EIF4G3: variants seen among roughly 807,000 people sequenced by gnomAD.
EIF4G3 encodes eukaryotic translation initiation factor 4 gamma 3, also known as eIF-4-gamma 3.
A neutral mutation model predicts 186.4 loss-of-function variants in EIF4G3; 34 were observed. That is an observed-to-expected ratio of 0.18 (90% confidence interval 0.14 to 0.24). EIF4G3 has a LOEUF of 0.24. EIF4G3 is among the 10% of genes least tolerant of loss of function. The pLI, the probability that EIF4G3 is intolerant of heterozygous loss-of-function variation, is 1.00. For missense variants in EIF4G3, 1,536 were observed against 1,948.5 expected, an observed-to-expected ratio of 0.79 and a Z score of 3.99; for synonymous variants, 673 against 679.5, an observed-to-expected ratio of 0.99 and a Z score of 0.15.
chr1:21,161,415 A>C (rs369543841), intron 2 of EIF4G3: 6 of 152,822 alleles, frequency 3.9e-5, no homozygotes, highest in African/African-American at 1.2e-4. Context: ...AGGCTTGAGA[A>C]TCGCTTGAAC....
chr1:21,141,985 T>C (rs932168294), intron 2 of EIF4G3, among the ~76,000 whole-genome samples: 1 of 151,476 alleles, frequency 6.6e-6, no homozygotes, highest in Non-Finnish European at 1.5e-5. Context: ...TTCAAGATAA[T>C]ATTTCCCTAA....
intron 3 of EIF4G3, among the ~76,000 whole-genome samples, chr1:21,073,444 A>G (rs529996359): frequency 1.3e-5 from 2 of 152,186 alleles, no homozygotes; most frequent in Non-Finnish European, 1.5e-5. Flanking sequence ...TGAGCCACCA[A>G]TCATCAGGAG....
chr1:20,895,295 T>A, intron 17 of EIF4G3, 73 bp downstream of exon 17: 1 of 1,502,886 alleles, frequency 6.7e-7, no homozygotes, highest in East Asian at 2.3e-5. Context: ...TGCTCATACT[T>A]CACATATTTG....
chr1:20,983,605 C>T (rs75569054), intron 7 of EIF4G3, among the ~76,000 whole-genome samples: 4,435 of 152,220 alleles, frequency 0.029, 144 homozygotes, highest in East Asian at 0.14. Flanking sequence ...ATGATACAAG[C>T]CTCAAGTAGA....
intron 20 of EIF4G3, among the ~76,000 whole-genome samples, chr1:20,867,398 T>C (rs1484861086): frequency 6.6e-6 from 1 of 152,172 alleles, no homozygotes; most frequent in African/African-American, 2.4e-5. Flanking sequence ...AAAATGACTG[T>C]AGATTAAGGA....
chr1:20,858,952 C>T lies in EIF4G3; in HGVS notation c.3244+1433G>A, dbSNP rs1480708304. 5.9e-5 allele frequency among the ~76,000 whole-genome samples: 9 copies of T among 152,260 alleles called. No homozygotes were observed. In the South Asian group the frequency reaches 6.2e-4, roughly 11 times the overall value. On this transcript the variant is annotated intron_variant, in intron 24 of 36. Transcript: ENST00000602326. ...CGGAGGTTGCAGTGAGCCGAGATCGCGCTACTGCACTCCAGCCTGGGCGAC... is the reference window on the plus strand; with the variant it reads ...CGGAGGTTGCAGTGAGCCGAGATCGTGCTACTGCACTCCAGCCTGGGCGAC...
rs145518313 is a variant in EIF4G3 at position 20,870,168 on chromosome 1, T to C, written c.2623-4906A>G. Among the ~76,000 whole-genome samples, 117 of 152,240 alleles carry C rather than the reference T, an allele frequency of 7.7e-4. 1 individual carries two copies. In the East Asian group the frequency reaches 0.012, roughly 15 times the overall value. ...TCACTCGCTGTTGCCCAAGGCTGAC[T>C]TGTCATGTCTGCAATTCCGGGCTTT... On this transcript the variant is annotated intron_variant, in intron 20 of 36. Transcript: ENST00000602326.
At chr1:20,909,238 G>T (rs916065457) in intron 14 of EIF4G3, among the ~76,000 whole-genome samples, 1 of 152,122 alleles carries the variant, frequency 6.6e-6, no homozygotes, top group Non-Finnish European at 1.5e-5. Context: ...GTAGTTAAGA[G>T]ACAGGGATAT....
Position 21,044,750 on chromosome 1 carries a change from C to A in EIF4G3, c.-67+6116G>T, listed in dbSNP as rs1407109640. The stretch of plus-strand genomic sequence containing the variant: ...GCAGCCTTAACATCCCAGTCTCAAG[C>A]GATCCTCTCACCTCAGCCTCCCAAG... On this transcript the variant is annotated intron_variant, in intron 4 of 36. Transcript: ENST00000602326. Among the ~76,000 whole-genome samples the A allele has an allele frequency of 3.3e-5, 5 of 151,208 alleles. No homozygotes were observed. The South Asian group carries it at 8.3e-4, about 25-fold the overall frequency.
intron 2 of EIF4G3, among the ~76,000 whole-genome samples, chr1:21,106,469 T>C (rs1166692026): frequency 6.6e-6 from 1 of 152,142 alleles, no homozygotes; most frequent in African/African-American, 2.4e-5. Flanking sequence ...AAGAATAGTT[T>C]ACAGATAGTG....
At chr1:20,926,458 C>G (rs12081099) in intron 14 of EIF4G3, among the ~76,000 whole-genome samples, 3,385 of 152,234 alleles carry the variant, frequency 0.022, 114 homozygotes, top group African/African-American at 0.075. Flanking sequence ...GGCAGGAGGA[C>G]TGCTTGAGGC....
intron 33 of EIF4G3, among the ~76,000 whole-genome samples, chr1:20,820,226 G>A (rs1315081751): frequency 6.6e-6 from 1 of 152,068 alleles, no homozygotes; most frequent in African/African-American, 2.4e-5. Context: ...TGCCTGACCT[G>A]CGGCTGCAGA....
intron 6 of EIF4G3, chr1:20,999,810 C>T: frequency 2.5e-6 from 1 of 398,712 alleles, no homozygotes; most frequent in South Asian, 1.8e-5. Flanking sequence ...TCGCTGCTGG[C>T]TCATATTAAA....
intron 2 of EIF4G3, among the ~76,000 whole-genome samples, chr1:21,165,005 T>G (rs1214843297): frequency 6.6e-6 from 1 of 152,130 alleles, no homozygotes; most frequent in Admixed American, 6.6e-5. Context: ...GGGCAAAGGA[T>G]ATATATAGAT....
intron 2 of EIF4G3, among the ~76,000 whole-genome samples, chr1:21,134,874 G>GT (rs34553393): frequency 0.038 from 5,650 of 149,824 alleles, 345 homozygotes; most frequent in African/African-American, 0.13. Context: ...ACTATGCAGT[G>GT]TTTTTTTTTT....
intron 2 of EIF4G3, among the ~76,000 whole-genome samples, chr1:21,106,537 T>C (rs1473956074): frequency 6.6e-6 from 1 of 151,830 alleles, no homozygotes; most frequent in African/African-American, 2.4e-5. Flanking sequence ...AAGGAACAAG[T>C]TGAAATAGAA....
chr1:21,158,005 G>A (rs1045393138), intron 2 of EIF4G3, among the ~76,000 whole-genome samples: 5 of 151,966 alleles, frequency 3.3e-5, no homozygotes, highest in African/African-American at 1.2e-4. Flanking sequence ...AGTTTCCGAA[G>A]GCTATTTGAC....
intron 4 of EIF4G3, among the ~76,000 whole-genome samples, chr1:21,032,037 A>T (rs1166915070): frequency 6.6e-6 from 1 of 152,212 alleles, no homozygotes; most frequent in East Asian, 1.9e-4. Context: ...GAGAGGAAGA[A>T]AACGTATTCA....
chr1:21,053,621 C>T (rs1469258727), intron 3 of EIF4G3, among the ~76,000 whole-genome samples: 1 of 141,426 alleles, frequency 7.1e-6, no homozygotes, highest in African/African-American at 2.6e-5. Flanking sequence ...CCCGGCCACC[C>T]GCCCCGTCCG....
Sources: allele counts gnomAD v4.1 joint callset (sites outside exome capture counted in the v4.1 genomes callset), GRCh38; gene constraint gnomAD v4.1.1; transcripts MANE v1.5; gene names NCBI Gene and HGNC (gene_info 2026-07-23, HGNC 2026-07-21).